Variants in GGA3 observed in about 807,000 individuals in gnomAD.
GGA3 encodes the protein golgi associated, gamma adaptin ear containing, ARF binding protein 3, also known as ADP-ribosylation factor-binding protein GGA3.
A neutral mutation model predicts 77.5 loss-of-function variants in GGA3; 57 were observed. The ratio of observed to expected loss-of-function variants is 0.74; its 90% confidence interval spans 0.59 to 0.92. The LOEUF is 0.92. GGA3 is among the 40% of genes least tolerant of loss of function. GGA3 has a pLI of 0.00. For missense variants in GGA3, 970 were observed against 914.9 expected (o/e 1.06, Z -0.78); for synonymous variants, 416 against 383.7 (o/e 1.08, Z -0.98).
Position 75,257,925 on chromosome 17 carries a change from C to A in GGA3, c.40+3623G>T, listed in dbSNP as rs554125321. Among the ~76,000 whole-genome samples, 122 of 152,274 alleles carry A rather than the reference C, an allele frequency of 8.0e-4. 1 individual carries two copies. Among genetic ancestry groups the A allele is most frequent in the Middle Eastern group, 3.4e-3 (1 of 294 alleles). ...GCACGTACACATCCAGATGGCCTGA[C>A]GTAACTGAAGATCCACAAAAGAAGT... On this transcript the variant is annotated intron_variant, in intron 1 of 16. Transcript: ENST00000537686.
chr17:75,261,912 C>T (rs751926906), upstream of GGA3: 30 of 1,608,858 alleles, frequency 1.9e-5, no homozygotes, highest in Middle Eastern at 1.6e-4. Context: ...TGGCTGCCCC[C>T]GCAGTGAAGG....
chr17:75,241,374 T>C (rs1426996744), intron 10 of GGA3, 26 bp downstream of exon 10: 1 of 1,438,252 alleles, frequency 7.0e-7, no homozygotes, highest in East Asian at 2.3e-5. Flanking sequence ...TGGAGGAGCC[T>C]AGAGTTGGGG....
chr17:75,237,313 T>A lies in GGA3; in HGVS notation c.*966A>T. The A allele has an allele frequency of 1.5e-6, 1 of 661,056 alleles. No homozygotes were observed. 40.9% of individuals were successfully genotyped at this position (661,056 alleles called of 1,614,324 possible). On this transcript the variant is annotated 3_prime_UTR_variant, in exon 17 of 17. Coordinates refer to ENST00000537686, the MANE Select transcript of GGA3 (RefSeq NM_138619.4). ...AGCACATTAGGACATATGTCTAGTG[T>A]AACATTTGTGATCCTGAGGCCTCCT...
intron 7 of GGA3, 86 bp from the exon 8 acceptor site, chr17:75,242,559 C>T (rs893852766): frequency 6.7e-7 from 1 of 1,498,998 alleles, no homozygotes; most frequent in Admixed American, 1.7e-5. Context: ...CCCCACAACA[C>T]AAGTACAGAC....
At chr17:75,250,970 A>T (rs2076945456) in intron 1 of GGA3, among the ~76,000 whole-genome samples, 1 of 146,494 alleles carries the variant, frequency 6.8e-6, no homozygotes, top group South Asian at 2.2e-4. Flanking sequence ...GATCCCAGCT[A>T]CTCAGGAGGC....
At chr17:75,251,850 G>A (rs1046187752) in intron 1 of GGA3, among the ~76,000 whole-genome samples, 10 of 149,848 alleles carry the variant, frequency 6.7e-5, no homozygotes, top group African/African-American at 2.5e-4. Context: ...TGGCTTCACT[G>A]TAGCCTCAAC....
chr17:75,250,951 C>T (rs142341908), intron 1 of GGA3, among the ~76,000 whole-genome samples: 2 of 149,174 alleles, frequency 1.3e-5, no homozygotes, highest in South Asian at 2.1e-4. Flanking sequence ...CATGGTTCCG[C>T]GCACCTGTGA....
chr17:75,246,653 T>C lies in GGA3; in HGVS notation c.125+59A>G, dbSNP rs1218424894. ...CTACCTGGCTGGCCCTCCTTGGCCATGGTTGTTCCCCTTCCCAGTCCGCTC... is the reference window on the plus strand; with the variant it reads ...CTACCTGGCTGGCCCTCCTTGGCCACGGTTGTTCCCCTTCCCAGTCCGCTC... On this transcript the variant is annotated intron_variant, in intron 2 of 16. Coordinates refer to ENST00000537686, the MANE Select transcript of GGA3 (RefSeq NM_138619.4). 3.1e-6 allele frequency: 5 copies of C among 1,591,952 alleles called. No homozygotes were observed. In the South Asian group the frequency reaches 3.3e-5, roughly 11 times the overall value.
intron 14 of GGA3, 82 bp from the exon 15 acceptor site, chr17:75,239,165 C>T (rs1425974400): frequency 3.8e-6 from 5 of 1,326,946 alleles, no homozygotes; most frequent in East Asian, 2.4e-5. Context: ...AAAAGGGCTA[C>T]TCCGTGGTCA....
rs752648894 is a variant in GGA3, at chr17:75,240,872, G to C, written c.1132C>G (p.Leu378Val). Reference sequence around the variant, plus strand: ...GCGTTGCTTGTGCTGCTGGGCCCCAGGGTGGCCTCGGCCTGGCTAGAGGAG... The same window carrying C: ...GCGTTGCTTGTGCTGCTGGGCCCCACGGTGGCCTCGGCCTGGCTAGAGGAG... ...SRSSSQAEAT[L>V]GPSSTSNALS... is the part of the protein sequence containing the mutation. The change falls in exon 11 of 17, where the codon CTG becomes GTG. Residue 378 changes from leucine to valine, a missense_variant. Coordinates refer to ENST00000537686, the MANE Select transcript of GGA3 (RefSeq NM_138619.4). 5.0e-6 allele frequency: 8 copies of C among 1,613,522 alleles called. No homozygotes were observed. In the Admixed American group the frequency reaches 6.7e-5, roughly 13 times the overall value.
Position 75,238,284 on chromosome 17 carries a change from G to A in GGA3, c.2167C>T (p.Leu723=). 1 of 1,612,718 alleles carries A rather than the reference G, an allele frequency of 6.2e-7. No individual in the cohort carries two copies. The highest frequency in any genetic ancestry group is 1.1e-5 in the South Asian group (1 of 90,908). Residue 723 remains leucine, a synonymous_variant, in exon 17 of 17, where the codon CTA becomes TTA. Transcript: ENST00000537686. The part of the protein sequence containing the change: ...QFPPVEQWGN[L] ...GATCACAGCGTCCTCTGGGGTCATA[G>A]GTTCCCCCACTGTTCCACAGGAGGG... is the stretch of plus-strand genomic sequence containing the variant.
intron 5 of GGA3, 39 bp downstream of exon 5, chr17:75,243,408 C>T (rs751525385): frequency 3.7e-6 from 6 of 1,612,722 alleles, no homozygotes; most frequent in East Asian, 2.2e-5. Context: ...GGCCAGCCTT[C>T]GAGGGCTGCC....
chr17:75,242,696 C>T lies in GGA3; in HGVS notation c.609+135G>A, dbSNP rs543501427. The stretch of plus-strand genomic sequence containing the variant: ...AAGCTATTGTGCTCCTCCTCCCACT[C>T]TCAGCCACCGGGGCACAGGTAGGGC... On this transcript the variant is annotated intron_variant, in intron 7 of 16. Coordinates refer to ENST00000537686, the MANE Select transcript of GGA3 (RefSeq NM_138619.4). 1.1e-4 allele frequency: 103 copies of T among 912,774 alleles called. 1 individual carries two copies. The highest frequency in any genetic ancestry group is 1.1e-3 in the Admixed American group (57 of 52,194). The allele number at this position is 912,774 out of a possible 1,614,324, so 56.5% of individuals were successfully genotyped here.
chr17:75,246,539 T>G lies in GGA3; in HGVS notation c.171A>C (p.Pro57=). 1 of 1,613,758 alleles carries G rather than the reference T, an allele frequency of 6.2e-7. No homozygotes were observed. Among genetic ancestry groups the G allele is most frequent in the Non-Finnish European group, 8.5e-7 (1 of 1,179,640 alleles). ...VRLLAHKIQS[P]QEWEALQALT... is the part of the protein sequence containing the mutation. Reference sequence around the variant, plus strand: ...GGGCCTGGAGCGCCTCCCATTCCTGTGGGGACTGGATCTTGTGGGCCAGCA... The same window carrying G: ...GGGCCTGGAGCGCCTCCCATTCCTGGGGGGACTGGATCTTGTGGGCCAGCA... The change falls in exon 3 of 17, where the codon CCA becomes CCC. Residue 57 remains proline, a synonymous_variant. Coordinates refer to ENST00000537686, the MANE Select transcript of GGA3 (RefSeq NM_138619.4).
chr17:75,257,831 CTTA>C lies in GGA3; in HGVS notation c.40+3714_40+3716del, dbSNP rs547734643. ...TTCAACACTATTTTGTTTTATTTTTCTTATTAATATAAGAAGGCAGGAATGTCA... is the reference window on the plus strand; with the variant it reads ...TTCAACACTATTTTGTTTTATTTTTCTTAATATAAGAAGGCAGGAATGTCA... On this transcript the variant is annotated intron_variant, in intron 1 of 16. Coordinates refer to ENST00000537686, the MANE Select transcript of GGA3 (RefSeq NM_138619.4). 5.6e-3 allele frequency among the ~76,000 whole-genome samples: 848 copies of C among 152,240 alleles called. 7 individuals carry two copies. Among genetic ancestry groups the C allele is most frequent in the African/African-American group, 0.019 (799 of 41,518 alleles).
rs1004521080 is a variant in GGA3, at chr17:75,239,537, G to A, written c.1618C>T (p.Leu540Phe). ...SGLVKPTTSP[L>F]IPTTTPARPL... ...CTGGCTGGGGTGGTGGTGGGGATGA[G>A]AGGGGAGGTAGTGGGTTTCACCAAG... is the stretch of plus-strand genomic sequence containing the variant. Residue 540 changes from leucine (L) to phenylalanine (F), a missense_variant, in exon 14 of 17, where the codon CTC becomes TTC. Leu to Phe is a conservative substitution (Grantham distance 22, BLOSUM62 0). Transcript: ENST00000537686. 2 of 1,563,636 alleles carry A rather than the reference G, an allele frequency of 1.3e-6. No individual in the cohort carries two copies. Among genetic ancestry groups the A allele is most frequent in the African/African-American group, 1.4e-5 (1 of 73,338 alleles).
intron 3 of GGA3, among the ~76,000 whole-genome samples, chr17:75,245,361 T>TG (rs1465309718): frequency 2.0e-5 from 3 of 152,136 alleles, no homozygotes; most frequent in Non-Finnish European, 4.4e-5. Context: ...TTCTTCGTTG[T>TG]GGGGGGCCAC....
In GGA3 at chr17:75,243,082, T is replaced by C; in HGVS notation, c.509A>G (p.Asp170Gly). Residue 170 changes from aspartate (D) to glycine (G), a missense_variant, in exon 6 of 17, where the codon GAT (aspartate) becomes GGT (glycine). Transcript: ENST00000537686. ...CTTTACCTTGGACTTCTCCTCATCATCAAAAACAGGGTTTTTGGGACGAGG... is the reference window on the plus strand; with the variant it reads ...CTTTACCTTGGACTTCTCCTCATCACCAAAAACAGGGTTTTTGGGACGAGG... ...PPPRPKNPVF[D>G]DEEKSKLLAK... is the part of the protein sequence containing the mutation. 1 of 1,612,608 alleles carries C rather than the reference T, an allele frequency of 6.2e-7. No individual in the cohort carries two copies.
At chr17:75,238,884 G>C in intron 15 of GGA3, 30 bp downstream of exon 15, 1 of 1,610,762 alleles carries the variant, frequency 6.2e-7, no homozygotes, top group Non-Finnish European at 8.5e-7. Flanking sequence ...TCAAGATAAG[G>C]CCGTTTTGGC....
Sources: allele counts gnomAD v4.1 joint callset (sites outside exome capture counted in the v4.1 genomes callset), GRCh38; gene constraint gnomAD v4.1.1; transcripts MANE v1.5; gene names NCBI Gene and HGNC (gene_info 2026-07-23, HGNC 2026-07-21).